The following SV2C variants were observed in gnomAD, a reference collection of about 807,000 sequenced individuals.
The protein encoded by SV2C is solute carrier family 22 member B3.
SV2C carries 49 observed loss-of-function variants against 79.7 expected under a neutral mutation model. That is an observed-to-expected ratio of 0.61 (90% CI 0.49 to 0.78). SV2C has a LOEUF of 0.78. Ranked by LOEUF, SV2C falls within the 30% of genes least tolerant of loss-of-function variation. The pLI is 0.00. For missense variants in SV2C, 833 were observed against 912.9 expected (o/e 0.91, Z 1.13); for synonymous variants, 334 against 333.2 (o/e 1.00, Z -0.03).
At chr5:76,093,482 G>T (rs933103167) in intron 1 of SV2C, among the ~76,000 whole-genome samples, 1 of 152,300 alleles carries the variant, frequency 6.6e-6, no homozygotes, top group East Asian at 1.9e-4. Flanking sequence ...AAGCAGCTTC[G>T]CTTGTGACCA....
At chr5:75,982,279 C>G in the SV2C span, among the ~76,000 whole-genome samples, 1 of 149,902 alleles carries the variant, frequency 6.7e-6, no homozygotes, top group African/African-American at 2.4e-5. Context: ...GAAAAAAACC[C>G]AACTCCATTA....
the SV2C span, among the ~76,000 whole-genome samples, chr5:75,856,496 G>T: frequency 6.6e-6 from 1 of 152,186 alleles, no homozygotes; most frequent in African/African-American, 2.4e-5. Context: ...TAACTGGGGT[G>T]AGATAACATC....
At chr5:75,898,118 A>T in the SV2C span, among the ~76,000 whole-genome samples, 19 of 152,076 alleles carry the variant, frequency 1.2e-4, no homozygotes, top group Non-Finnish European at 2.8e-4. Context: ...GAATAGGAGT[A>T]GTGAGAGAGG....
At chr5:76,184,411 T>C (rs1743845314) in intron 2 of SV2C, among the ~76,000 whole-genome samples, 1 of 152,204 alleles carries the variant, frequency 6.6e-6, no homozygotes, top group Non-Finnish European at 1.5e-5. Flanking sequence ...GTTCAGTCAG[T>C]GATTGGGATT....
intron 12 of SV2C, among the ~76,000 whole-genome samples, chr5:76,306,710 G>A (rs1028131670): frequency 9.2e-5 from 14 of 152,098 alleles, no homozygotes; most frequent in Admixed American, 2.0e-4. Context: ...AGGGCAGGAG[G>A]GGGTTGAAAC....
the SV2C span, among the ~76,000 whole-genome samples, chr5:76,060,472 T>C: frequency 6.6e-6 from 1 of 152,110 alleles, no homozygotes; most frequent in African/African-American, 2.4e-5. Flanking sequence ...CTTTCACTTT[T>C]GAATTATGGA....
intron 4 of SV2C, among the ~76,000 whole-genome samples, chr5:76,276,191 G>A (rs1747017058): frequency 6.6e-6 from 1 of 152,140 alleles, no homozygotes; most frequent in Admixed American, 6.5e-5. Flanking sequence ...AGAATTGATG[G>A]CTGAGTAGTG....
chr5:76,137,301 G>C (rs183837469), intron 2 of SV2C, among the ~76,000 whole-genome samples: 1 of 152,322 alleles, frequency 6.6e-6, no homozygotes, highest in East Asian at 1.9e-4. Flanking sequence ...ATCCCTAACT[G>C]TATCAGTTAA....
the SV2C span, among the ~76,000 whole-genome samples, chr5:75,915,192 T>C: frequency 6.6e-6 from 1 of 152,140 alleles, no homozygotes; most frequent in Non-Finnish European, 1.5e-5. Flanking sequence ...ATTTCACAAG[T>C]GAACATACTG....
At chr5:76,125,824 G>A (rs1300328919) in intron 1 of SV2C, among the ~76,000 whole-genome samples, 1 of 152,186 alleles carries the variant, frequency 6.6e-6, no homozygotes, top group Non-Finnish European at 1.5e-5. Context: ...TTGGGAGGCT[G>A]AGGTAGGAGG....
At chr5:76,156,963 A>G (rs548115121) in intron 2 of SV2C, among the ~76,000 whole-genome samples, 5 of 152,206 alleles carry the variant, frequency 3.3e-5, no homozygotes, top group African/African-American at 1.2e-4. Flanking sequence ...GAAGGAGAGG[A>G]AAAAGAGAAA....
At chr5:76,103,678 G>A (rs112892626) in intron 1 of SV2C, among the ~76,000 whole-genome samples, 67 of 152,180 alleles carry the variant, frequency 4.4e-4, no homozygotes, top group Middle Eastern at 3.2e-3. Flanking sequence ...GAATGCCTGG[G>A]TGCTGTTAGG....
rs1281149495 is a variant in SV2C at position 76,328,821 on chromosome 5, G to A, written c.*3274G>A. On this transcript the variant is annotated 3_prime_UTR_variant, in exon 13 of 13. Transcript: ENST00000502798. ...ACTCTGTTGCCCAGGCTGGAGTGCAGTGGTGGGAACTCTGCTCACTGCAAC... is the reference window on the plus strand; with the variant it reads ...ACTCTGTTGCCCAGGCTGGAGTGCAATGGTGGGAACTCTGCTCACTGCAAC... 1 of 151,552 alleles carries A rather than the reference G, an allele frequency of 6.6e-6. No homozygotes were observed. The highest frequency in any genetic ancestry group is 2.4e-5 in the African/African-American group (1 of 41,090). 9.4% of individuals were successfully genotyped at this position (151,552 alleles called of 1,614,324 possible).
At chr5:75,858,356 A>G in the SV2C span, among the ~76,000 whole-genome samples, 2 of 152,190 alleles carry the variant, frequency 1.3e-5, no homozygotes, top group Non-Finnish European at 1.5e-5. Context: ...ATCGATTGAA[A>G]TAATCATATG....
the SV2C span, among the ~76,000 whole-genome samples, chr5:75,968,407 C>T: frequency 6.6e-6 from 1 of 151,948 alleles, no homozygotes; most frequent in Non-Finnish European, 1.5e-5. Context: ...AAACCAATGG[C>T]AAAGAAGTTA....
At chr5:76,207,432 G>C (rs1744640258) in intron 3 of SV2C, among the ~76,000 whole-genome samples, 1 of 152,218 alleles carries the variant, frequency 6.6e-6, no homozygotes, top group Admixed American at 6.5e-5. Flanking sequence ...AAAAGGAGTA[G>C]TATTAAATTA....
chr5:75,997,807 G>C, the SV2C span, among the ~76,000 whole-genome samples: 4 of 152,132 alleles, frequency 2.6e-5, no homozygotes, highest in African/African-American at 9.7e-5. Flanking sequence ...TCTAGAACTA[G>C]AAATACCATT....
chr5:76,098,957 G>A (rs139726274), intron 1 of SV2C, among the ~76,000 whole-genome samples: 108 of 152,250 alleles, frequency 7.1e-4, no homozygotes, highest in African/African-American at 2.4e-3. Flanking sequence ...GAGAATCTGA[G>A]CCAAGATTAA....
the SV2C span, among the ~76,000 whole-genome samples, chr5:75,968,633 C>T: frequency 3.3e-5 from 5 of 151,980 alleles, no homozygotes; most frequent in Non-Finnish European, 5.9e-5. Context: ...AGAAAAAAGA[C>T]TAAAAAGAAA....
Sources: gnomAD v4.1 joint callset for allele counts (sites outside exome capture counted in the v4.1 genomes callset) on GRCh38, gnomAD v4.1.1 for gene constraint, MANE v1.5 for transcripts, NCBI Gene and HGNC (gene_info 2026-07-23, HGNC 2026-07-21) for gene names.